Variants in LRP1B observed in about 807,000 individuals in gnomAD.
The protein encoded by LRP1B is LDL receptor related protein 1B.
A neutral mutation model predicts 556.6 loss-of-function variants in LRP1B; 217 were observed. The ratio of observed to expected loss-of-function variants is 0.39; its 90% CI spans 0.35 to 0.44. LRP1B has a LOEUF of 0.44. LRP1B is among the 20% of genes least tolerant of loss of function. The probability of loss-of-function intolerance (pLI) is 1.00; values close to 1 mark genes in which losing one functional copy is unlikely to be tolerated. For missense variants in LRP1B, 5,053 were observed against 5,620.8 expected, an observed-to-expected ratio of 0.90 and a Z score of 3.23; for synonymous variants, 2,047 against 1,865.8, an observed-to-expected ratio of 1.10 and a Z score of -2.50.
At chr2:140,616,484 C>CT (rs11416942) in intron 41 of LRP1B, among the ~76,000 whole-genome samples, 64,549 of 140,486 alleles carry the variant, frequency 0.46, 15,169 homozygotes, top group African/African-American at 0.6. Context: ...GTGACTCAGT[C>CT]TTTTTTTTTT....
intron 27 of LRP1B, among the ~76,000 whole-genome samples, chr2:140,857,313 C>T (rs1419645116): frequency 6.6e-6 from 1 of 152,060 alleles, no homozygotes; most frequent in East Asian, 1.9e-4. Flanking sequence ...AACTAATATT[C>T]ATCCTGTTAA....
chr2:141,145,535 C>T (rs1701759700), intron 7 of LRP1B, among the ~76,000 whole-genome samples: 1 of 144,128 alleles, frequency 6.9e-6, no homozygotes, highest in African/African-American at 2.6e-5. Context: ...TTTAATTAAA[C>T]TTTTTTTTTT....
chr2:141,121,107 C>G (rs547705801), intron 7 of LRP1B, among the ~76,000 whole-genome samples: 1 of 151,996 alleles, frequency 6.6e-6, no homozygotes, highest in Non-Finnish European at 1.5e-5. Context: ...CTATGCGACA[C>G]TGGCAAGTAA....
Position 141,333,633 on chromosome 2 carries a change from C to A in LRP1B, c.344-78992G>T, listed in dbSNP as rs373333125. Among the ~76,000 whole-genome samples, 62 of 152,252 alleles carry A rather than the reference C, an allele frequency of 4.1e-4. No individual in the cohort carries two copies. In the East Asian group the frequency reaches 5.4e-3, roughly 13 times the overall value. ...ACAGCAGCTATGTAGGTGGGTATCACCACCTCCATCTGAAAATTTTAAAGT... is the reference window on the plus strand; with the variant it reads ...ACAGCAGCTATGTAGGTGGGTATCAACACCTCCATCTGAAAATTTTAAAGT... On this transcript the variant is annotated intron_variant, in intron 3 of 90. Transcript: ENST00000389484.
At chr2:141,097,859 AT>A (rs1210883566) in intron 7 of LRP1B, among the ~76,000 whole-genome samples, 1 of 152,216 alleles carries the variant, frequency 6.6e-6, no homozygotes, top group Non-Finnish European at 1.5e-5. Context: ...GAATGTTGTG[AT>A]TGTTAATTAG....
At chr2:141,775,971 T>C (rs1194369822) in intron 2 of LRP1B, among the ~76,000 whole-genome samples, 1 of 151,802 alleles carries the variant, frequency 6.6e-6, no homozygotes, top group Non-Finnish European at 1.5e-5. Flanking sequence ...GCCTCCCAAG[T>C]AGCTGGGACT....
intron 1 of LRP1B, among the ~76,000 whole-genome samples, chr2:141,973,129 T>C (rs1473995814): frequency 6.6e-6 from 1 of 151,616 alleles, no homozygotes; most frequent in Non-Finnish European, 1.5e-5. Flanking sequence ...TTTCCAGCTA[T>C]AGTGGGAATT....
intron 3 of LRP1B, among the ~76,000 whole-genome samples, chr2:141,432,755 C>T (rs1680607527): frequency 6.6e-6 from 1 of 151,764 alleles, no homozygotes; most frequent in South Asian, 2.1e-4. Context: ...AATGATGTCC[C>T]CTCCTTTACT....
At chr2:140,402,803 C>A (rs1684565058) in intron 66 of LRP1B, among the ~76,000 whole-genome samples, 2 of 152,164 alleles carry the variant, frequency 1.3e-5, no homozygotes, top group African/African-American at 4.8e-5. Flanking sequence ...CCCAGGGATA[C>A]CTCCTCTACT....
rs149956583 is a variant in LRP1B, at chr2:140,540,949, T to C, written c.7513+24A>G. 2.3e-4 allele frequency: 376 copies of C among 1,600,386 alleles called. 4 individuals carry two copies. The African/African-American group carries it at 3.8e-3, about 16-fold the overall frequency. On this transcript the variant is annotated intron_variant, in intron 45 of 90. Coordinates refer to ENST00000389484, the MANE Select transcript of LRP1B (RefSeq NM_018557.3). ...GGAATTTGGAACAGATTTGTCATATTACATTTCAATTCCCTTTACTTACTC... is the reference window on the plus strand; with the variant it reads ...GGAATTTGGAACAGATTTGTCATATCACATTTCAATTCCCTTTACTTACTC...
At chr2:141,219,037 C>T (rs1682930569) in intron 6 of LRP1B, among the ~76,000 whole-genome samples, 1 of 152,192 alleles carries the variant, frequency 6.6e-6, no homozygotes, top group Non-Finnish European at 1.5e-5. Context: ...CTGTGCTGCC[C>T]TGCCTGGGAA....
At chr2:142,065,283 A>G (rs1705068700) in intron 1 of LRP1B, among the ~76,000 whole-genome samples, 1 of 151,456 alleles carries the variant, frequency 6.6e-6, no homozygotes, top group Admixed American at 6.6e-5. Flanking sequence ...TAAGGTATCA[A>G]CAGTGTTCCT....
chr2:141,508,129 C>T (rs1056378904), intron 2 of LRP1B, among the ~76,000 whole-genome samples: 6 of 151,240 alleles, frequency 4.0e-5, no homozygotes, highest in African/African-American at 7.3e-5. Flanking sequence ...TAAAACATAG[C>T]TCTAATTGTC....
intron 83 of LRP1B, among the ~76,000 whole-genome samples, chr2:140,308,464 T>C (rs1684159174): frequency 6.6e-6 from 1 of 151,842 alleles, no homozygotes; most frequent in Non-Finnish European, 1.5e-5. Context: ...CGTAGATACA[T>C]GCTACTGAGC....
chr2:140,741,402 C>T, intron 35 of LRP1B, among the ~76,000 whole-genome samples: 1 of 151,756 alleles, frequency 6.6e-6, no homozygotes, highest in East Asian at 1.9e-4. Context: ...AAGTTGCCAA[C>T]ATGACTCTGA....
intron 3 of LRP1B, among the ~76,000 whole-genome samples, chr2:141,362,506 T>C (rs1056646016): frequency 3.9e-5 from 6 of 152,228 alleles, no homozygotes; most frequent in African/African-American, 1.4e-4. Flanking sequence ...AGACCAGCAG[T>C]AAAACTTTGC....
At position 140,995,901 on chromosome 2, in the gene LRP1B, AAAGAG is replaced by A. The variant is rs745753302; in HGVS notation, c.2504-1771_2504-1767del. Among the ~76,000 whole-genome samples the A allele has an allele frequency of 6.6e-5, 10 of 152,144 alleles. No homozygotes were observed. In the South Asian group the frequency reaches 1.0e-3, roughly 16 times the overall value. On this transcript the variant is annotated intron_variant, in intron 15 of 90. Coordinates refer to ENST00000389484, the MANE Select transcript of LRP1B (RefSeq NM_018557.3). ...TATCTAAGTGAATTAAATAGTTTAG[AAAGAG>A]AAGAGAATATGTGGCAATCAAGGGT...
intron 3 of LRP1B, among the ~76,000 whole-genome samples, chr2:141,346,941 T>C (rs140410698): frequency 6.6e-6 from 1 of 152,260 alleles, no homozygotes; most frequent in Non-Finnish European, 1.5e-5. Flanking sequence ...AAAACTTCCT[T>C]TAATGTTTTG....
chr2:141,809,799 T>C (rs746304088), intron 2 of LRP1B, among the ~76,000 whole-genome samples: 16 of 152,032 alleles, frequency 1.1e-4, no homozygotes, highest in Non-Finnish European at 1.6e-4. Context: ...TGCCCTGAGA[T>C]ATTAATATAA....
Sources: allele counts gnomAD v4.1 joint callset (sites outside exome capture counted in the v4.1 genomes callset), GRCh38; gene constraint gnomAD v4.1.1; transcripts MANE v1.5; gene names NCBI Gene and HGNC (gene_info 2026-07-23, HGNC 2026-07-21).